The following SMURF2 variants were observed in gnomAD, a reference collection of about 807,000 sequenced individuals.
The protein encoded by SMURF2 is E3 ubiquitin-protein ligase SMURF2.
Under a neutral mutation model 109.6 loss-of-function variants are expected in SMURF2, and 48 were observed. That is an observed-to-expected ratio of 0.44 (90% CI 0.35 to 0.56). The LOEUF (loss-of-function observed/expected upper bound fraction) is 0.56, where lower values mean the gene tolerates loss of function less well. Among genes scored for constraint, SMURF2 ranks in the 20% least tolerant of loss-of-function variants. The pLI, the probability that SMURF2 is intolerant of heterozygous loss-of-function variation, is 0.01. For synonymous variants in SMURF2, 288 were observed against 317.1 expected (o/e 0.91, Z 0.97); for missense variants, 575 against 909.0 (o/e 0.63, Z 4.72).
intron 1 of SMURF2, among the ~76,000 whole-genome samples, chr17:64,652,581 G>A (rs1443246797): frequency 2.0e-5 from 3 of 152,184 alleles, no homozygotes; most frequent in African/African-American, 7.2e-5. Flanking sequence ...TCCACCTCCT[G>A]GGTTCAAGTG....
intron 12 of SMURF2, among the ~76,000 whole-genome samples, chr17:64,560,402 A>T (rs1272724456): frequency 1.2e-4 from 19 of 152,284 alleles, no homozygotes; most frequent in Admixed American, 3.9e-4. Flanking sequence ...GATTATTTTT[A>T]AAAATCCACA....
rs921581516 is a variant in SMURF2 at position 64,608,721 on chromosome 17, T to A, written c.53-2081A>T. Among the ~76,000 whole-genome samples, 38 of 152,076 alleles carry A rather than the reference T, an allele frequency of 2.5e-4. 1 individual carries two copies. Among genetic ancestry groups the A allele is most frequent in the Non-Finnish European group, 1.5e-5 (1 of 67,976 alleles). ...CCAACTCACTGCCACCAAACCTACA[T>A]ATTCATTCTTTTTCCCTTCCTTCCA... On this transcript the variant is annotated intron_variant, in intron 1 of 18. Transcript: ENST00000262435.
At chr17:64,610,933 T>C (rs1024486494) in intron 1 of SMURF2, among the ~76,000 whole-genome samples, 1 of 152,196 alleles carries the variant, frequency 6.6e-6, no homozygotes, top group Non-Finnish European at 1.5e-5. Context: ...TCATTCTTTA[T>C]GGCACTTGAC....
At chr17:64,551,163 C>T (rs552893583) in intron 16 of SMURF2, among the ~76,000 whole-genome samples, 21 of 152,050 alleles carry the variant, frequency 1.4e-4, no homozygotes, top group African/African-American at 5.1e-4. Context: ...AGTTTGAGAC[C>T]ACCCTGGGAA....
intron 1 of SMURF2, among the ~76,000 whole-genome samples, chr17:64,628,038 A>G (rs1024776326): frequency 3.3e-5 from 5 of 152,204 alleles, no homozygotes; most frequent in African/African-American, 9.7e-5. Flanking sequence ...TGACTGAGCC[A>G]TCCGATGAAG....
At chr17:64,563,150 T>G in intron 10 of SMURF2, 184 bp from the exon 11 acceptor site, 2 of 516,488 alleles carry the variant, frequency 3.9e-6, no homozygotes, top group Admixed American at 6.5e-5. Flanking sequence ...TTATTTCTCA[T>G]AGTCCACATA....
chr17:64,573,474 TC>T (rs1368988935), intron 9 of SMURF2, among the ~76,000 whole-genome samples: 1 of 152,088 alleles, frequency 6.6e-6, no homozygotes, highest in Admixed American at 6.6e-5. Context: ...GCCAAAGCAA[TC>T]ATTCTGACTT....
At chr17:64,632,032 A>ACTGCCAACCT (rs1970358038) in intron 1 of SMURF2, among the ~76,000 whole-genome samples, 1 of 127,648 alleles carries the variant, frequency 7.8e-6, no homozygotes, top group Admixed American at 1.1e-4. Flanking sequence ...ATCTCGGCTC[A>ACTGCCAACCT]CTGCCAACCT....
chr17:64,635,032 A>G (rs1425282222), intron 1 of SMURF2, among the ~76,000 whole-genome samples: 1 of 152,224 alleles, frequency 6.6e-6, no homozygotes, highest in Admixed American at 6.5e-5. Context: ...GTTTCCAGAT[A>G]AAAGTCACAT....
chr17:64,549,043 G>A (rs1968999261), intron 16 of SMURF2, among the ~76,000 whole-genome samples: 1 of 151,802 alleles, frequency 6.6e-6, no homozygotes. Context: ...TAGCACTTTG[G>A]GAGGACGAGG....
intron 2 of SMURF2, among the ~76,000 whole-genome samples, chr17:64,604,717 A>C (rs1403012911): frequency 5.3e-5 from 8 of 152,092 alleles, no homozygotes; most frequent in African/African-American, 1.9e-4. Flanking sequence ...AGGCCAAGGC[A>C]GGAGGATCAC....
intron 4 of SMURF2, among the ~76,000 whole-genome samples, chr17:64,592,228 A>AC (rs1311197109): frequency 6.6e-6 from 1 of 152,220 alleles, no homozygotes; most frequent in African/African-American, 2.4e-5. Context: ...GAACAGTAGC[A>AC]CATTAAGTCT....
At chr17:64,584,227 A>C (rs1261482353) in intron 6 of SMURF2, among the ~76,000 whole-genome samples, 1 of 149,412 alleles carries the variant, frequency 6.7e-6, no homozygotes, top group Non-Finnish European at 1.5e-5. Context: ...TTGAGGCAGG[A>C]GAATTGCTTG....
At chr17:64,631,308 G>C (rs1026736754) in intron 1 of SMURF2, among the ~76,000 whole-genome samples, 20 of 130,698 alleles carry the variant, frequency 1.5e-4, no homozygotes, top group African/African-American at 5.9e-4. Flanking sequence ...GAGAGAGAGA[G>C]AGAGAGAGAG....
chr17:64,579,309 G>A (rs368145084), intron 8 of SMURF2, among the ~76,000 whole-genome samples: 1 of 151,456 alleles, frequency 6.6e-6, no homozygotes, highest in African/African-American at 2.4e-5. Context: ...TAGAACAACA[G>A]AACCACTTTT....
chr17:64,658,513 T>C (rs1263355192), intron 1 of SMURF2, among the ~76,000 whole-genome samples: 1 of 152,206 alleles, frequency 6.6e-6, no homozygotes, highest in African/African-American at 2.4e-5. Flanking sequence ...TAAACTTCCT[T>C]ACATTATAGA....
At position 64,593,592 on chromosome 17, in the gene SMURF2, G is replaced by A. The variant is rs782554633; in HGVS notation, c.201-19C>T. 6.7e-7 allele frequency: 1 copy of A among 1,499,880 alleles called. No individual in the cohort carries two copies. Among genetic ancestry groups the A allele is most frequent in the South Asian group, 1.4e-5 (1 of 70,418 alleles). The allele number at this position is 1,499,880 out of a possible 1,614,324, so 92.9% of individuals were successfully genotyped here. On this transcript the variant is annotated intron_variant, in intron 3 of 18. Transcript: ENST00000262435. ...AATATACCTAAAAAACAAAACGGCTGCATGAGTAACTTGGTAGTTACAGGC... is the reference window on the plus strand; with the variant it reads ...AATATACCTAAAAAACAAAACGGCTACATGAGTAACTTGGTAGTTACAGGC...
intron 1 of SMURF2, among the ~76,000 whole-genome samples, chr17:64,615,545 C>A (rs1970109093): frequency 6.6e-6 from 1 of 152,202 alleles, no homozygotes; most frequent in South Asian, 2.1e-4. Context: ...CTCTGAGAAA[C>A]AGCCTCTATC....
chr17:64,575,223 G>A lies in SMURF2; in HGVS notation c.858-3267C>T, dbSNP rs192770567. Among the ~76,000 whole-genome samples, 172 of 151,284 alleles carry A rather than the reference G, an allele frequency of 1.1e-3. 3 individuals carry two copies. The highest frequency in any genetic ancestry group is 3.7e-3 in the African/African-American group (153 of 41,094). On this transcript the variant is annotated intron_variant, in intron 9 of 18. Coordinates refer to ENST00000262435, the MANE Select transcript of SMURF2 (RefSeq NM_022739.4). ...GGCTGGAGTGCCACGGTGCGATCTC[G>A]GCTCACCACAACCTCCACCTCCCAG...
Sources: gnomAD v4.1 joint callset for allele counts (sites outside exome capture counted in the v4.1 genomes callset) on GRCh38, gnomAD v4.1.1 for gene constraint, MANE v1.5 for transcripts, NCBI Gene and HGNC (gene_info 2026-07-23, HGNC 2026-07-21) for gene names.